The following LNX1 variants were observed in gnomAD, a reference collection of about 807,000 sequenced individuals.
LNX1 encodes the protein E3 ubiquitin-protein ligase LNX.
A neutral mutation model predicts 68.4 loss-of-function variants in LNX1; 54 were observed. That is an observed-to-expected ratio of 0.79 (90% CI 0.63 to 0.99). The LOEUF is 0.99. Among genes scored for constraint, LNX1 ranks in the 50% least tolerant of loss-of-function variants. The pLI is 0.00. For missense variants in LNX1, 906 were observed against 926.4 expected, an observed-to-expected ratio of 0.98 and a Z score of 0.29; for synonymous variants, 336 against 350.0, an observed-to-expected ratio of 0.96 and a Z score of 0.45.
chr4:53,595,731 G>A, upstream of LNX1, among the ~76,000 whole-genome samples: 1 of 152,168 alleles, frequency 6.6e-6, no homozygotes, highest in East Asian at 1.9e-4. Flanking sequence ...AGGGGGGAAG[G>A]AGGTCTGTCT....
chr4:53,618,584 A>G (rs1733760218), upstream of LNX1, among the ~76,000 whole-genome samples: 2 of 152,112 alleles, frequency 1.3e-5, no homozygotes, highest in Non-Finnish European at 2.9e-5. Context: ...CACCCATCTC[A>G]CTAACCCTCG....
At chr4:53,544,950 C>T (rs1299647347) in intron 2 of LNX1, among the ~76,000 whole-genome samples, 4 of 152,202 alleles carry the variant, frequency 2.6e-5, no homozygotes, top group African/African-American at 7.2e-5. Flanking sequence ...TCGACCAGCA[C>T]GTCCCCAGTG....
intron 2 of LNX1, among the ~76,000 whole-genome samples, chr4:53,553,177 G>T (rs138930964): frequency 6.4e-4 from 98 of 152,320 alleles, no homozygotes; most frequent in African/African-American, 2.2e-3. Context: ...AGTTCCTGAT[G>T]CATATAGCAC....
chr4:53,590,846 G>A (rs1160993252), intron 1 of LNX1, among the ~76,000 whole-genome samples: 2 of 152,140 alleles, frequency 1.3e-5, no homozygotes, highest in East Asian at 3.9e-4. Context: ...TTTCAGAGAA[G>A]AGAGGAAAAC....
In LNX1 at chr4:53,573,971, T is replaced by A. The variant is rs1560675524; in HGVS notation, c.32A>T (p.Glu11Val). MNQPESANDP[E>V]PLCAVCGQAH... ...TTGGCCACACACTGCACACAGGGGT[T>A]CAGGATCGTTGGCAGACTCTGGCTG... is the stretch of plus-strand genomic sequence containing the variant. The change falls in exon 2 of 11, where the codon GAA (glutamate) becomes GTA (valine). Residue 11 changes from glutamate (E) to valine (V), a missense_variant. Coordinates refer to ENST00000263925, the MANE Select transcript of LNX1 (RefSeq NM_001126328.3). 6.2e-7 allele frequency: 1 copy of A among 1,613,208 alleles called. No homozygotes were observed. The highest frequency in any genetic ancestry group is 1.1e-5 in the South Asian group (1 of 90,888).
intron 9 of LNX1, among the ~76,000 whole-genome samples, chr4:53,469,122 G>C (rs1354147214): frequency 6.6e-6 from 1 of 152,134 alleles, no homozygotes. Flanking sequence ...TAAAAGAACA[G>C]AAATTATAAC....
chr4:53,511,462 G>A (rs1267568842), intron 2 of LNX1, among the ~76,000 whole-genome samples: 1 of 152,146 alleles, frequency 6.6e-6, no homozygotes, highest in Admixed American at 6.5e-5. Flanking sequence ...GGTGATGGGT[G>A]ATGGCCATGA....
chr4:53,630,873 T>C, intron 1 of LNX1, among the ~76,000 whole-genome samples: 1 of 152,106 alleles, frequency 6.6e-6, no homozygotes, highest in Non-Finnish European at 1.5e-5. Flanking sequence ...ACCTCAAATA[T>C]CAAGAAACAA....
chr4:53,652,199 T>C (rs1735136638), exon 1 of LNX1: 1 of 152,198 alleles, frequency 6.6e-6, no homozygotes, highest in African/African-American at 2.4e-5. Flanking sequence ...TTCCCAGCTG[T>C]GTGACGTCTC....
At chr4:53,595,222 T>C (rs1732695965), upstream of LNX1, among the ~76,000 whole-genome samples, 1 of 152,086 alleles carries the variant, frequency 6.6e-6, no homozygotes, top group Admixed American at 6.6e-5. Context: ...AGCAGATATC[T>C]GTTGGGGAGG....
chr4:53,513,480 CCATGT>C (rs1726520969), intron 2 of LNX1, among the ~76,000 whole-genome samples: 1 of 152,106 alleles, frequency 6.6e-6, no homozygotes, highest in Non-Finnish European at 1.5e-5. Context: ...ACTGCCCATT[CCATGT>C]CATCACTTAG....
intron 2 of LNX1, among the ~76,000 whole-genome samples, chr4:53,516,550 G>C (rs1726800419): frequency 6.6e-6 from 1 of 152,114 alleles, no homozygotes; most frequent in Non-Finnish European, 1.5e-5. Flanking sequence ...GCTGAGTCTA[G>C]AAAAATGAGT....
At chr4:53,641,209 G>C (rs114630067) in intron 1 of LNX1, among the ~76,000 whole-genome samples, 4 of 151,572 alleles carry the variant, frequency 2.6e-5, no homozygotes, top group Non-Finnish European at 5.9e-5. Context: ...AGGGCGGGGT[G>C]GGGGGGCACC....
intron 2 of LNX1, chr4:53,523,085 G>C (rs1458247751): frequency 2.0e-5 from 3 of 151,942 alleles, no homozygotes; most frequent in African/African-American, 7.3e-5. Flanking sequence ...CCTGGCAGTG[G>C]GTCTGCTAAA....
rs752314881 is a variant in LNX1, at chr4:53,459,517, GATA to G, written c.*1387_*1389del. The G allele has an allele frequency of 5.6e-6, 9 of 1,598,490 alleles. No individual in the cohort carries two copies. The highest frequency in any genetic ancestry group is 6.0e-6 in the Non-Finnish European group (7 of 1,169,780). On this transcript the variant is annotated 3_prime_UTR_variant, in exon 11 of 11. Transcript: ENST00000263925. ...TACTATAAATCTTGTTATTTTTCTG[GATA>G]ATGTTTAAGAAATTTACCTTAAATC... is the stretch of plus-strand genomic sequence containing the variant.
intron 2 of LNX1, among the ~76,000 whole-genome samples, chr4:53,598,354 T>TC (rs1397886755): frequency 6.6e-6 from 1 of 151,880 alleles, no homozygotes; most frequent in Non-Finnish European, 1.5e-5. Context: ...CACCTCAGCC[T>TC]CCCAAGTACC....
intron 9 of LNX1, among the ~76,000 whole-genome samples, chr4:53,468,158 C>CAA (rs1722848935): frequency 6.6e-6 from 1 of 152,180 alleles, no homozygotes; most frequent in South Asian, 2.1e-4. Flanking sequence ...AGAAACTCTA[C>CAA]AAGCCAGAAG....
intron 1 of LNX1, among the ~76,000 whole-genome samples, chr4:53,627,301 G>T (rs986605653): frequency 1.3e-5 from 2 of 152,136 alleles, no homozygotes; most frequent in Non-Finnish European, 2.9e-5. Flanking sequence ...GAAGGTACAG[G>T]GTGGTCCTCA....
At chr4:53,495,886 C>G in intron 6 of LNX1, 137 bp downstream of exon 6, 1 of 1,078,666 alleles carries the variant, frequency 9.3e-7, no homozygotes, top group Non-Finnish European at 1.3e-6. Context: ...AAATGTTGGT[C>G]TTTCCATCCT....
Sources: gnomAD v4.1 joint callset for allele counts (sites outside exome capture counted in the v4.1 genomes callset) on GRCh38, gnomAD v4.1.1 for gene constraint, MANE v1.5 for transcripts, NCBI Gene and HGNC (gene_info 2026-07-23, HGNC 2026-07-21) for gene names.